Variants in ZNF692 observed in about 807,000 individuals in gnomAD.
ZNF692 encodes zinc finger protein 692, also known as AICAR responsive element binding protein.
Under a neutral mutation model 49.0 loss-of-function variants are expected in ZNF692, and 41 were observed. That is an observed-to-expected ratio of 0.84 (90% CI 0.65 to 1.08). The LOEUF (loss-of-function observed/expected upper bound fraction) is 1.08. Among genes scored for constraint, ZNF692 ranks in the 50% least tolerant of loss-of-function variants. The probability of loss-of-function intolerance (pLI) is 0.00; values close to 1 mark genes in which losing one functional copy is unlikely to be tolerated. For missense variants in ZNF692, 662 were observed against 662.2 expected (o/e 1.00, Z 0.00); for synonymous variants, 288 against 251.5 (o/e 1.15, Z -1.37).
In ZNF692 at chr1:248,856,439, G is replaced by C. The variant is rs1232710739; in HGVS notation, c.525-17C>G. On this transcript the variant is annotated splice_polypyrimidine_tract_variant and intron_variant, in intron 5 of 11. Transcript: ENST00000306601. ...CCCACCCTCCTGCAGGCCCAAAGAA[G>C]GCAAGCCTGAGGTCCTGCTCCCTCA... is the stretch of plus-strand genomic sequence containing the variant. The C allele has an allele frequency of 2.5e-6, 4 of 1,614,014 alleles. No individual in the cohort carries two copies. In the Admixed American group the frequency reaches 6.7e-5, roughly 27 times the overall value.
intron 10 of ZNF692, among the ~76,000 whole-genome samples, chr1:248,852,441 G>A (rs1473842547): frequency 6.6e-6 from 1 of 152,030 alleles, no homozygotes; most frequent in Non-Finnish European, 1.5e-5. Context: ...TCTCACTTGA[G>A]GTCCCCCACC....
Position 248,855,819 on chromosome 1 carries a change from A to G in ZNF692, c.787T>C (p.Leu263=). The G allele has an allele frequency of 6.8e-6, 11 of 1,614,160 alleles. No individual in the cohort carries two copies. The highest frequency in any genetic ancestry group is 9.3e-6 in the Non-Finnish European group (11 of 1,180,030). Residue 263 remains leucine, a synonymous_variant, in exon 7 of 12, where the codon TTG becomes CTG. Transcript: ENST00000306601. ...GCAGGTGGAGGAGCTCTGGAACTCAATGAGGATGCTGACAAGGCCGGCACA... is the reference window on the plus strand; with the variant it reads ...GCAGGTGGAGGAGCTCTGGAACTCAGTGAGGATGCTGACAAGGCCGGCACA... ...LAVPALSASS[L]SSRAPPPAEV...
chr1:248,853,338 G>A (rs1377832272), intron 10 of ZNF692, among the ~76,000 whole-genome samples: 1 of 152,184 alleles, frequency 6.6e-6, no homozygotes, highest in East Asian at 1.9e-4. Flanking sequence ...AAAAAGCCAT[G>A]TCCCTCTGCC....
intron 10 of ZNF692, among the ~76,000 whole-genome samples, chr1:248,851,679 TCCCTC>T (rs1659617891): frequency 6.6e-6 from 1 of 152,098 alleles, no homozygotes; most frequent in Non-Finnish European, 1.5e-5. Flanking sequence ...AGCCCTCTGT[TCCCTC>T]ACCTCACTGA....
rs761628632 is a variant in ZNF692 at position 248,856,332 on chromosome 1, C to T, written c.615G>A (p.Met205Ile). 8.7e-6 allele frequency: 14 copies of T among 1,609,228 alleles called. No individual in the cohort carries two copies. Among genetic ancestry groups the T allele is most frequent in the Admixed American group, 1.7e-5 (1 of 59,624 alleles). Residue 205 changes from methionine (M) to isoleucine (I), a missense_variant, in exon 6 of 12, where the codon ATG becomes ATA. Physicochemically the swap from Met to Ile is conservative, Grantham distance 10. Transcript: ENST00000306601. The part of the protein sequence containing the change: ...EEDNDEDEEE[M>I]LSDASLWTYS... Reference sequence around the variant, plus strand: ...AGGTCCATAAGCTGGCATCACTGAGCATCTCCTCTTCATCCTCATCATTGT... The same window carrying T: ...AGGTCCATAAGCTGGCATCACTGAGTATCTCCTCTTCATCCTCATCATTGT...
intron 3 of ZNF692, 95 bp from the exon 4 acceptor site, chr1:248,857,592 CA>C (rs1413897426): frequency 6.6e-7 from 1 of 1,520,904 alleles, no homozygotes; most frequent in African/African-American, 1.4e-5. Context: ...CCTCAAACCC[CA>C]GGGCAACCTC....
chr1:248,855,486 A>G (rs766755415), intron 8 of ZNF692, 28 bp from the exon 9 acceptor site: 2 of 1,613,782 alleles, frequency 1.2e-6, no homozygotes, highest in Admixed American at 3.3e-5. Context: ...AAGGAGCAGC[A>G]TGACTCCTGC....
chr1:248,851,605 C>T (rs919417659), intron 10 of ZNF692, among the ~76,000 whole-genome samples: 1 of 152,048 alleles, frequency 6.6e-6, no homozygotes. Flanking sequence ...CCTCCATCCA[C>T]ACAACTCTAG....
Position 248,856,361 on chromosome 1 carries a change from C to A in ZNF692, c.586G>T (p.Glu196Ter). 1 of 1,612,624 alleles carries A rather than the reference C, an allele frequency of 6.2e-7. No homozygotes were observed. Among genetic ancestry groups the A allele is most frequent in the Non-Finnish European group, 8.5e-7 (1 of 1,179,136 alleles). The change falls in exon 6 of 12, where the codon GAG (glutamate) becomes TAG (stop). Residue 196 changes from glutamate to a stop codon, truncating the protein, a stop_gained. Coordinates refer to ENST00000306601, the MANE Select transcript of ZNF692 (RefSeq NM_017865.4). LOFTEE classifies it high-confidence loss of function. ...TCCTCTTCATCCTCATCATTGTCCT[C>A]TTCTTCCTCACCCTCTTCCTCTCCT... ...PPGEEEGEEE[E>*]DNDEDEEEML...
intron 10 of ZNF692, among the ~76,000 whole-genome samples, chr1:248,853,294 C>T (rs1262387364): frequency 6.6e-6 from 1 of 152,186 alleles, no homozygotes; most frequent in Non-Finnish European, 1.5e-5. Context: ...CATCTGAGGT[C>T]CCCCTGTTCA....
intron 2 of ZNF692, 118 bp from the exon 3 acceptor site, chr1:248,857,977 G>A: frequency 6.4e-7 from 1 of 1,554,948 alleles, no homozygotes; most frequent in Non-Finnish European, 8.7e-7. Flanking sequence ...CCATGAGGAG[G>A]GGAGCAGGAC....
At chr1:248,851,596 C>T (rs982227664) in intron 10 of ZNF692, among the ~76,000 whole-genome samples, 1 of 152,056 alleles carries the variant, frequency 6.6e-6, no homozygotes, top group South Asian at 2.1e-4. Flanking sequence ...ATCACTCCCC[C>T]TCCATCCACA....
At chr1:248,851,549 A>G (rs1659596104) in intron 10 of ZNF692, among the ~76,000 whole-genome samples, 1 of 151,904 alleles carries the variant, frequency 6.6e-6, no homozygotes, top group Non-Finnish European at 1.5e-5. Context: ...CCATCAGACC[A>G]CACAAACACA....
chr1:248,851,423 G>A lies in ZNF692; in HGVS notation c.1154-642C>T, dbSNP rs531910169. On this transcript the variant is annotated intron_variant, in intron 10 of 11. Transcript: ENST00000306601. ...CACTGTGTGGCAGCAGCTCTCACAG[G>A]CTGCTGTGGTTTCTCTAACCCACCA... 7.6e-4 allele frequency among the ~76,000 whole-genome samples: 115 copies of A among 152,162 alleles called. 1 individual carries two copies. In the Middle Eastern group the frequency reaches 0.017, roughly 23 times the overall value.
intron 10 of ZNF692, among the ~76,000 whole-genome samples, chr1:248,853,005 A>G (rs751731761): frequency 7.3e-4 from 111 of 152,210 alleles, no homozygotes; most frequent in South Asian, 1.0e-3. Flanking sequence ...CTCAAATCAA[A>G]TTTCCCTTCC....
chr1:248,855,659 G>A (rs1660138696), intron 7 of ZNF692, 24 bp from the exon 8 acceptor site: 1 of 1,614,198 alleles, frequency 6.2e-7, no homozygotes, highest in Middle Eastern at 1.6e-4. Context: ...AGAGGGAGCA[G>A]AGGGCCTCGA....
intron 10 of ZNF692, among the ~76,000 whole-genome samples, chr1:248,852,725 G>A (rs984649456): frequency 2.1e-4 from 32 of 152,078 alleles, no homozygotes; most frequent in Non-Finnish European, 3.1e-4. Context: ...TTGGCCTGTC[G>A]CACTAGCAAT....
intron 4 of ZNF692, among the ~76,000 whole-genome samples, chr1:248,856,863 T>C (rs1385840000): frequency 1.3e-5 from 2 of 152,222 alleles, no homozygotes; most frequent in African/African-American, 4.8e-5. Flanking sequence ...AGAGATGATA[T>C]TCACATAGTT....
At chr1:248,855,262 G>C in intron 9 of ZNF692, 118 bp downstream of exon 9, 1 of 931,092 alleles carries the variant, frequency 1.1e-6, no homozygotes. Flanking sequence ...TACATGTCAG[G>C]TACCCTCTGC....
Sources: allele counts gnomAD v4.1 joint callset (sites outside exome capture counted in the v4.1 genomes callset), GRCh38; gene constraint gnomAD v4.1.1; transcripts MANE v1.5; gene names NCBI Gene and HGNC (gene_info 2026-07-23, HGNC 2026-07-21).